The following FSD2 variants were observed in gnomAD, a reference collection of about 807,000 sequenced individuals.
The protein encoded by FSD2 is fibronectin type III and SPRY domain-containing protein 2.
In FSD2, 71 loss-of-function variants were observed where a neutral mutation model predicts 80.4. The ratio of observed to expected loss-of-function variants is 0.88; its 90% CI spans 0.73 to 1.08. The LOEUF is 1.08. FSD2 is among the 50% of genes least tolerant of loss of function. FSD2 has a pLI of 0.00. For synonymous variants in FSD2, 361 were observed against 329.5 expected, an observed-to-expected ratio of 1.10 and a Z score of -1.03; for missense variants, 923 against 913.8, an observed-to-expected ratio of 1.01 and a Z score of -0.13.
intron 1 of FSD2, among the ~76,000 whole-genome samples, chr15:82,803,317 ATG>A (rs2050457407): frequency 6.6e-6 from 1 of 151,976 alleles, no homozygotes; most frequent in Non-Finnish European, 1.5e-5. Flanking sequence ...TATACAGCAT[ATG>A]TTGCTTTGTT....
intron 1 of FSD2, among the ~76,000 whole-genome samples, chr15:82,792,033 G>T (rs1218915555): frequency 4.6e-5 from 7 of 152,112 alleles, no homozygotes; most frequent in Non-Finnish European, 7.3e-5. Context: ...CTACCTTTTG[G>T]CTATTTTAAA....
intron 9 of FSD2, among the ~76,000 whole-genome samples, chr15:82,766,279 T>A (rs1206383493): frequency 1.3e-5 from 2 of 152,190 alleles, no homozygotes; most frequent in Non-Finnish European, 1.5e-5. Flanking sequence ...AGTCCCTCAT[T>A]CTGGTTTCCC....
chr15:82,801,558 G>C (rs1381510592), intron 1 of FSD2, among the ~76,000 whole-genome samples: 3 of 152,130 alleles, frequency 2.0e-5, no homozygotes, highest in Non-Finnish European at 4.4e-5. Context: ...TGTTTTTCTA[G>C]GTACTGTATC....
intron 1 of FSD2, among the ~76,000 whole-genome samples, chr15:82,801,746 T>G (rs2050418017): frequency 6.6e-6 from 1 of 152,114 alleles, no homozygotes; most frequent in African/African-American, 2.4e-5. Flanking sequence ...TCTCCAATGC[T>G]CCAAAACTCT....
At chr15:82,780,105 T>C in intron 5 of FSD2, 140 bp downstream of exon 5, 1 of 622,820 alleles carries the variant, frequency 1.6e-6, no homozygotes, top group South Asian at 1.9e-5. Context: ...ACACCATCAT[T>C]CCAAAGCCAG....
chr15:82,759,118 T>C lies in FSD2; in HGVS notation c.*230A>G. 1.9e-6 allele frequency: 1 copy of C among 517,310 alleles called. No individual in the cohort carries two copies. Among genetic ancestry groups the C allele is most frequent in the South Asian group, 2.6e-5 (1 of 38,884 alleles). The allele number at this position is 517,310 out of a possible 1,614,324, so 32.0% of individuals were successfully genotyped here. On this transcript the variant is annotated 3_prime_UTR_variant, in exon 13 of 13. Coordinates refer to ENST00000334574, the MANE Select transcript of FSD2 (RefSeq NM_001007122.4). The stretch of plus-strand genomic sequence containing the variant: ...TTTGAGTTCGTTTAGTCTGAGCCTT[T>C]ATTTTACAGCTGGGCCTGGTAATGA...
intron 11 of FSD2, among the ~76,000 whole-genome samples, chr15:82,762,973 T>A (rs1170393253): frequency 6.6e-6 from 1 of 152,204 alleles, no homozygotes; most frequent in Non-Finnish European, 1.5e-5. Context: ...GACCTCAACA[T>A]CCCTAGAAAG....
intron 3 of FSD2, among the ~76,000 whole-genome samples, chr15:82,784,527 G>C (rs372211703): frequency 6.6e-6 from 1 of 152,096 alleles, no homozygotes; most frequent in South Asian, 2.1e-4. Context: ...AATTACAGGC[G>C]TCAGCCACTG....
intron 7 of FSD2, among the ~76,000 whole-genome samples, chr15:82,770,666 A>G (rs1048100371): frequency 1.3e-5 from 2 of 151,956 alleles, no homozygotes; most frequent in South Asian, 2.1e-4. Context: ...GCAAGACTCC[A>G]TCTCAAAAAA....
chr15:82,762,346 G>T, intron 11 of FSD2, 68 bp from the exon 12 acceptor site: 1 of 1,471,382 alleles, frequency 6.8e-7, no homozygotes, highest in Non-Finnish European at 9.3e-7. Flanking sequence ...GGTCAGTGAT[G>T]CCAGTTGCTG....
rs1596223172 is a variant in FSD2 at position 82,759,654 on chromosome 15, T to TAG, written c.1998-55_1998-54insCT. ...TTCAGTAATTCTATAGATTGACTAT[T>TAG]TATAGAACATTTCATACTAATTTTA... On this transcript the variant is annotated intron_variant, in intron 12 of 12. Coordinates refer to ENST00000334574, the MANE Select transcript of FSD2 (RefSeq NM_001007122.4). The TAG allele has an allele frequency of 3.7e-6, 5 of 1,356,892 alleles. No individual in the cohort carries two copies. The East Asian group carries it at 1.2e-4, about 34-fold the overall frequency. 84.1% of individuals were successfully genotyped at this position (1,356,892 alleles called of 1,614,324 possible).
intron 10 of FSD2, among the ~76,000 whole-genome samples, chr15:82,765,510 C>T (rs1331419890): frequency 6.6e-6 from 1 of 152,100 alleles, no homozygotes; most frequent in East Asian, 1.9e-4. Context: ...CCCTTAGAAA[C>T]AGGTGTCACT....
At chr15:82,780,985 A>G (rs1306737503) in intron 4 of FSD2, among the ~76,000 whole-genome samples, 8 of 152,090 alleles carry the variant, frequency 5.3e-5, no homozygotes, top group Non-Finnish European at 2.9e-5. Context: ...GCATTGAGCT[A>G]TGATCACACC....
At chr15:82,775,039 A>T (rs570133822) in intron 6 of FSD2, among the ~76,000 whole-genome samples, 98 of 150,578 alleles carry the variant, frequency 6.5e-4, no homozygotes, top group African/African-American at 2.3e-3. Flanking sequence ...AATCTTTATT[A>T]TTTTTTTCAG....
At chr15:82,795,072 A>C (rs2050233056) in intron 1 of FSD2, among the ~76,000 whole-genome samples, 1 of 151,920 alleles carries the variant, frequency 6.6e-6, no homozygotes, top group Non-Finnish European at 1.5e-5. Context: ...CTCTACTAAC[A>C]CTTTTTTGTT....
At chr15:82,774,484 C>G (rs1462528872) in intron 6 of FSD2, among the ~76,000 whole-genome samples, 1 of 152,168 alleles carries the variant, frequency 6.6e-6, no homozygotes. Flanking sequence ...TCCATTTTTA[C>G]AGATGAAGAA....
Position 82,768,975 on chromosome 15 carries a change from C to T in FSD2, c.1458G>A (p.Val486=). 6.2e-7 allele frequency: 1 copy of T among 1,606,566 alleles called. No homozygotes were observed. The highest frequency in any genetic ancestry group is 8.5e-7 in the Non-Finnish European group (1 of 1,176,614). Residue 486 remains valine (V), a synonymous_variant, in exon 9 of 13, where the codon GTG becomes GTA. Transcript: ENST00000334574. The part of the protein sequence containing the change: ...TKEIRSCEEA[V]LICWESGNLN... ...GGTTCCCAGACTCCCAGCAAATCAG[C>T]ACAGCCTCTTCACAGCTCCTTATCT...
At chr15:82,767,682 T>A (rs539743783) in intron 9 of FSD2, among the ~76,000 whole-genome samples, 5 of 152,320 alleles carry the variant, frequency 3.3e-5, no homozygotes, top group African/African-American at 1.2e-4. Context: ...ACCATTAGGA[T>A]GGCCAGAACC....
At chr15:82,800,628 G>A (rs186948105) in intron 1 of FSD2, among the ~76,000 whole-genome samples, 168 of 140,702 alleles carry the variant, frequency 1.2e-3, no homozygotes, top group African/African-American at 4.3e-3. Flanking sequence ...GAAGGCAAAC[G>A]TTGCAGCGAG....
Sources: allele counts gnomAD v4.1 joint callset (sites outside exome capture counted in the v4.1 genomes callset), GRCh38; gene constraint gnomAD v4.1.1; transcripts MANE v1.5; gene names NCBI Gene and HGNC (gene_info 2026-07-23, HGNC 2026-07-21).